Variants in DPRX observed in about 807,000 individuals in gnomAD.
DPRX encodes divergent paired-related homeobox.
Under a neutral mutation model 8.4 loss-of-function variants are expected in DPRX, and 11 were observed. That is an observed-to-expected ratio of 1.31 (90% CI 0.82 to 2.17). The LOEUF (loss-of-function observed/expected upper bound fraction) is 2.17, where lower values mean the gene tolerates loss of function less well. Among genes scored for constraint, DPRX ranks in the 30% most tolerant of loss-of-function variants. The probability of loss-of-function intolerance (pLI) is 0.00; values close to 1 mark genes in which losing one functional copy is unlikely to be tolerated. For synonymous variants in DPRX, 72 were observed against 87.0 expected, an observed-to-expected ratio of 0.83 and a Z score of 0.96; for missense variants, 211 against 236.7, an observed-to-expected ratio of 0.89 and a Z score of 0.71.
chr19:53,620,497 G>A, the DPRX span, among the ~76,000 whole-genome samples: 1 of 151,746 alleles, frequency 6.6e-6, no homozygotes, highest in Non-Finnish European at 1.5e-5. Context: ...TGAGCAGCTG[G>A]GATTACAGAC....
At chr19:53,616,134 C>A in the DPRX span, among the ~76,000 whole-genome samples, 3 of 151,966 alleles carry the variant, frequency 2.0e-5, no homozygotes, top group African/African-American at 7.2e-5. Flanking sequence ...TGTCTGTAAT[C>A]CCAGCTATTC....
the DPRX span, among the ~76,000 whole-genome samples, chr19:53,618,491 A>G: frequency 3.3e-5 from 5 of 151,694 alleles, no homozygotes; most frequent in African/African-American, 1.2e-4. Flanking sequence ...AAACACTACT[A>G]TGGACATGGT....
At chr19:53,633,890 C>T (rs781335125) in intron 1 of DPRX, among the ~76,000 whole-genome samples, 5 of 152,006 alleles carry the variant, frequency 3.3e-5, no homozygotes, top group South Asian at 2.1e-4. Flanking sequence ...ATGATCTGCC[C>T]GCCCTGGCCT....
upstream of DPRX, among the ~76,000 whole-genome samples, chr19:53,627,131 AG>A (rs2091074420): frequency 6.6e-6 from 1 of 152,190 alleles, no homozygotes; most frequent in East Asian, 1.9e-4. Flanking sequence ...CCTCGTACTT[AG>A]ACTCCACCCG....
At chr19:53,636,817 C>A (rs565196699) in exon 3 of DPRX, 2 of 1,614,140 alleles carry the variant, frequency 1.2e-6, no homozygotes, top group South Asian at 2.2e-5. Flanking sequence ...TCCTGTACCC[C>A]AACCTCAAGG....
chr19:53,634,459 A>C, intron 1 of DPRX, 72 bp from the exon 2 acceptor site: 1 of 1,538,554 alleles, frequency 6.5e-7, no homozygotes, highest in Non-Finnish European at 8.7e-7. Flanking sequence ...GTGGAAAGGA[A>C]AGGAAAGCTC....
At chr19:53,636,541 T>C in intron 2 of DPRX, 55 bp from the exon 3 acceptor site, 2 of 1,335,554 alleles carry the variant, frequency 1.5e-6, no homozygotes, top group Non-Finnish European at 1.9e-6. Context: ...TTTTTAAAAA[T>C]AGAATGACAA....
the DPRX span, among the ~76,000 whole-genome samples, chr19:53,613,333 T>A: frequency 2.0e-5 from 3 of 151,982 alleles, no homozygotes; most frequent in Admixed American, 6.6e-5. Context: ...TCACTGCACG[T>A]TGTCACGTGT....
At chr19:53,619,566 T>G in the DPRX span, among the ~76,000 whole-genome samples, 2 of 151,776 alleles carry the variant, frequency 1.3e-5, no homozygotes, top group African/African-American at 2.4e-5. Context: ...TCCCAGCTAC[T>G]TGGGAGGCTG....
At chr19:53,601,701 C>G in the DPRX span, among the ~76,000 whole-genome samples, 1 of 151,932 alleles carries the variant, frequency 6.6e-6, no homozygotes, top group South Asian at 2.1e-4. Context: ...AGGCTGGTCC[C>G]GAACTCCTCG....
At chr19:53,612,631 C>G in the DPRX span, among the ~76,000 whole-genome samples, 3 of 151,728 alleles carry the variant, frequency 2.0e-5, no homozygotes, top group African/African-American at 7.3e-5. Context: ...GGCTTGAACC[C>G]GGGAGGCGGA....
the DPRX span, among the ~76,000 whole-genome samples, chr19:53,612,381 A>G: frequency 6.6e-5 from 10 of 151,284 alleles, no homozygotes; most frequent in Admixed American, 2.6e-4. Context: ...CTCAAAAACA[A>G]AACACAAAAA....
At chr19:53,612,026 G>A in the DPRX span, among the ~76,000 whole-genome samples, 4 of 151,848 alleles carry the variant, frequency 2.6e-5, no homozygotes, top group East Asian at 5.8e-4. Flanking sequence ...GGAGGTTGCC[G>A]TGAGCCGAGA....
chr19:53,633,768 A>C (rs2091101870), intron 1 of DPRX, among the ~76,000 whole-genome samples: 1 of 152,056 alleles, frequency 6.6e-6, no homozygotes, highest in Non-Finnish European at 1.5e-5. Flanking sequence ...TTGGCCTCCC[A>C]AAGTGCTGGG....
chr19:53,613,017 A>C, the DPRX span, among the ~76,000 whole-genome samples: 2 of 152,130 alleles, frequency 1.3e-5, no homozygotes, highest in African/African-American at 4.8e-5. Context: ...AGGGAAAATT[A>C]GAGTCAGAGA....
At position 53,636,559 on chromosome 19, in the gene DPRX, G is replaced by A. The variant is rs759879617; in HGVS notation, c.184-37G>A. The A allele has an allele frequency of 2.1e-6, 3 of 1,411,674 alleles. No homozygotes were observed. In the South Asian group the frequency reaches 6.0e-5, roughly 28 times the overall value. 87.4% of individuals were successfully genotyped at this position (1,411,674 alleles called of 1,614,324 possible). On this transcript the variant is annotated intron_variant, in intron 2 of 2. Transcript: ENST00000376650. ...TTAAAAATAGAATGACAAGTCATCT[G>A]AATTCCACCCCATTCTCTTCTCTCT...
the DPRX span, chr19:53,606,663 G>A: frequency 6.6e-6 from 1 of 151,938 alleles, no homozygotes; most frequent in Non-Finnish European, 1.5e-5. This position sits in a 1 kb window ranked among gnomAD's most constrained non-coding sequence, Gnocchi z 4.8. Flanking sequence ...TGAGGGTGGA[G>A]GGCTTCTTCT....
chr19:53,602,575 C>T, the DPRX span, among the ~76,000 whole-genome samples: 2 of 150,442 alleles, frequency 1.3e-5, no homozygotes, highest in East Asian at 3.9e-4. Flanking sequence ...TCTCTGTTGC[C>T]CAGGCTGAAG....
chr19:53,604,175 A>G, the DPRX span, among the ~76,000 whole-genome samples: 15 of 152,112 alleles, frequency 9.9e-5, no homozygotes, highest in Non-Finnish European at 1.8e-4. Context: ...GTTAAGTCAC[A>G]TTAGGCAACT....
Sources: allele counts gnomAD v4.1 joint callset (sites outside exome capture counted in the v4.1 genomes callset), GRCh38; gene constraint gnomAD v4.1.1; non-coding constraint Gnocchi (gnomAD v3.1); transcripts MANE v1.5; gene names NCBI Gene and HGNC (gene_info 2026-07-23, HGNC 2026-07-21).